ADGRV1: variants seen among roughly 807,000 people sequenced by gnomAD.
The protein encoded by ADGRV1 is G-protein coupled receptor 98.
A neutral mutation model predicts 596.2 loss-of-function variants in ADGRV1; 359 were observed. That is an observed-to-expected ratio of 0.60 (90% CI 0.55 to 0.66). ADGRV1 has a LOEUF of 0.66. Among genes scored for constraint, ADGRV1 ranks in the 30% least tolerant of loss-of-function variants. The pLI, the probability that ADGRV1 is intolerant of heterozygous loss-of-function variation, is 0.00. For synonymous variants in ADGRV1, 2,681 were observed against 2,679.2 expected (o/e 1.00, Z -0.02); for missense variants, 7,274 against 7,575.6 (o/e 0.96, Z 1.48).
At chr5:90,736,115 T>G (rs2149855536) in intron 50 of ADGRV1, among the ~76,000 whole-genome samples, 1 of 152,278 alleles carries the variant, frequency 6.6e-6, no homozygotes, top group Admixed American at 6.5e-5. Flanking sequence ...TACTTGTTTG[T>G]TATATGTGAC....
At chr5:90,771,582 T>G (rs1379582205) in intron 59 of ADGRV1, among the ~76,000 whole-genome samples, 1 of 152,130 alleles carries the variant, frequency 6.6e-6, no homozygotes, top group African/African-American at 2.4e-5. Flanking sequence ...AGGATAAAAA[T>G]TAAAGGCTTT....
chr5:90,893,652 T>G (rs1459810870), intron 83 of ADGRV1, among the ~76,000 whole-genome samples: 1 of 152,224 alleles, frequency 6.6e-6, no homozygotes, highest in African/African-American at 2.4e-5. Context: ...AATAATAACT[T>G]TTAAAGCATG....
intron 1 of ADGRV1, among the ~76,000 whole-genome samples, chr5:90,601,993 A>T (rs1012029956): frequency 6.6e-6 from 1 of 152,212 alleles, no homozygotes; most frequent in Non-Finnish European, 1.5e-5. Context: ...CAGAAGAAAT[A>T]ATGAACGTAG....
At chr5:90,686,445 A>G (rs1580734589) in intron 29 of ADGRV1, among the ~76,000 whole-genome samples, 2 of 151,924 alleles carry the variant, frequency 1.3e-5, no homozygotes, top group Admixed American at 6.6e-5. Flanking sequence ...CTTCCCACCT[A>G]TGAGTGAGAA....
intron 83 of ADGRV1, among the ~76,000 whole-genome samples, chr5:90,917,592 CA>C (rs1021247696): frequency 1.4e-4 from 22 of 152,272 alleles, no homozygotes; most frequent in Admixed American, 8.5e-4. Flanking sequence ...CTGAATCTGC[CA>C]AACTCCTGAG....
At chr5:91,060,351 A>G (rs993425354) in intron 85 of ADGRV1, among the ~76,000 whole-genome samples, 38 of 149,390 alleles carry the variant, frequency 2.5e-4, no homozygotes, top group African/African-American at 9.4e-4. Context: ...ACACTCCACC[A>G]TGCCTGGCAA....
chr5:90,949,109 A>G (rs1003903109), intron 83 of ADGRV1, among the ~76,000 whole-genome samples: 4 of 152,150 alleles, frequency 2.6e-5, no homozygotes, highest in African/African-American at 4.8e-5. Context: ...GATACTTGTT[A>G]AGAGAAACCG....
Position 91,016,241 on chromosome 5 carries a change from G to A in ADGRV1, c.18152+30719G>A, listed in dbSNP as rs961915166. Among the ~76,000 whole-genome samples, 118 of 151,868 alleles carry A rather than the reference G, an allele frequency of 7.8e-4. 1 individual carries two copies. The highest frequency in any genetic ancestry group is 2.6e-3 in the African/African-American group (109 of 41,370). ...CCTTAACAATGACAAACAATATCTT[G>A]TGTTTTTTAAGGATTTATTCATTAT... On this transcript the variant is annotated intron_variant, in intron 85 of 89. Transcript: ENST00000405460.
Position 90,681,459 on chromosome 5 carries a change from G to A in ADGRV1, c.5664+5G>A, listed in dbSNP as rs747135436. 1 of 1,604,996 alleles carries A rather than the reference G, an allele frequency of 6.2e-7. No homozygotes were observed. Among genetic ancestry groups the A allele is most frequent in the Non-Finnish European group, 8.5e-7 (1 of 1,174,296 alleles). ...TATAGCACTGTTACATTAAATGTGA[G>A]TACCTTTTCTTCCTTCATTCCTAGA... On this transcript the variant is annotated splice_donor_5th_base_variant and intron_variant, in intron 27 of 89. Transcript: ENST00000405460.
At chr5:91,065,692 T>A (rs1787825020) in intron 85 of ADGRV1, among the ~76,000 whole-genome samples, 1 of 152,102 alleles carries the variant, frequency 6.6e-6, no homozygotes, top group African/African-American at 2.4e-5. Context: ...TCAAATTGGG[T>A]AACGCAAGTG....
At chr5:90,709,890 T>C (rs912909608) in intron 39 of ADGRV1, among the ~76,000 whole-genome samples, 3 of 152,260 alleles carry the variant, frequency 2.0e-5, no homozygotes, top group African/African-American at 7.2e-5. Context: ...TGGTTTCTAA[T>C]GCTCCTATTT....
chr5:90,807,593 T>C lies in ADGRV1; in HGVS notation c.14837-9T>C. 1 of 1,606,906 alleles carries C rather than the reference T, an allele frequency of 6.2e-7. No homozygotes were observed. Among genetic ancestry groups the C allele is most frequent in the East Asian group, 2.2e-5 (1 of 44,748 alleles). On this transcript the variant is annotated splice_polypyrimidine_tract_variant and intron_variant, in intron 72 of 89. Coordinates refer to ENST00000405460, the MANE Select transcript of ADGRV1 (RefSeq NM_032119.4). ...ATACCCTACTTTGCTTTTTCATGTT[T>C]TCTTTCAGGGAGCCTTTCATTTTCC...
intron 87 of ADGRV1, among the ~76,000 whole-genome samples, chr5:91,112,042 A>G (rs1401876007): frequency 6.6e-6 from 1 of 152,250 alleles, no homozygotes; most frequent in Non-Finnish European, 1.5e-5. Context: ...TTGAGCAACA[A>G]GCTAACTCCA....
In ADGRV1 at chr5:90,716,634, C is replaced by G; in HGVS notation, c.9352C>G (p.Gln3118Glu). 1 of 1,613,178 alleles carries G rather than the reference C, an allele frequency of 6.2e-7. No homozygotes were observed. Among genetic ancestry groups the G allele is most frequent in the East Asian group, 2.2e-5 (1 of 44,848 alleles). Residue 3118 changes from glutamine (Q) to glutamate (E), a missense_variant, in exon 43 of 90, where the codon CAG becomes GAG. Around this residue, in one of 5 missense-constraint regions of ADGRV1, gnomAD observed 3,643 missense variants for 3,809.2 expected, o/e 0.96. Coordinates refer to ENST00000405460, the MANE Select transcript of ADGRV1 (RefSeq NM_032119.4). The stretch of plus-strand genomic sequence containing the variant: ...AGGATTGTTTGGAACAGTGACAGTT[C>G]AGTTCATTGTGACAGAAGTGAATTC... ...AQGLFGTVTV[Q>E]FIVTEVNSSN...
intron 84 of ADGRV1, 78 bp downstream of exon 84, chr5:90,965,609 C>G: frequency 1.3e-6 from 1 of 753,306 alleles, no homozygotes; most frequent in South Asian, 1.8e-5. Flanking sequence ...GTCTGATACT[C>G]TGTACTGAAG....
chr5:91,018,529 A>T (rs1783365056), intron 85 of ADGRV1, among the ~76,000 whole-genome samples: 2 of 152,004 alleles, frequency 1.3e-5, no homozygotes. Context: ...TGTGAAAGGC[A>T]ACTTTTGCAT....
chr5:90,816,801 C>T (rs1390665847), intron 75 of ADGRV1, among the ~76,000 whole-genome samples: 2 of 151,636 alleles, frequency 1.3e-5, no homozygotes, highest in African/African-American at 2.4e-5. Flanking sequence ...TTTCTTAATC[C>T]AGTCTATCAT....
intron 17 of ADGRV1, 110 bp downstream of exon 17, chr5:90,647,874 C>A: frequency 2.2e-6 from 2 of 912,974 alleles, no homozygotes; most frequent in Non-Finnish European, 3.3e-6. Flanking sequence ...TACATTTGTA[C>A]TATTCAAGAG....
At position 90,985,366 on chromosome 5, in the gene ADGRV1, T is replaced by G; in HGVS notation, c.17996T>G (p.Leu5999Arg). 1 of 1,612,644 alleles carries G rather than the reference T, an allele frequency of 6.2e-7. No individual in the cohort carries two copies. The highest frequency in any genetic ancestry group is 8.5e-7 in the Non-Finnish European group (1 of 1,179,130). Residue 5999 changes from leucine (L) to arginine (R), a missense_variant, in exon 85 of 90, where the codon CTG becomes CGG. By Grantham distance (102) the Leu-to-Arg change is moderately radical. This residue lies in a region of ADGRV1 where 1,874 missense variants were observed against 1,970.2 expected (regional missense o/e 0.95). Coordinates refer to ENST00000405460, the MANE Select transcript of ADGRV1 (RefSeq NM_032119.4). ...TAGTCTGTGAATTTCTGGTACGTGCTGGTGATGAATGATGAGCACACAGAG... is the reference window on the plus strand; with the variant it reads ...TAGTCTGTGAATTTCTGGTACGTGCGGGTGATGAATGATGAGCACACAGAG... The part of the protein sequence containing the change: ...LIQSVNFWYV[L>R]VMNDEHTERR...
Sources: gnomAD v4.1 joint callset for allele counts (sites outside exome capture counted in the v4.1 genomes callset) on GRCh38, gnomAD v4.1.1 for gene constraint, gnomAD v4.1.1 regional missense constraint, MANE v1.5 for transcripts, NCBI Gene and HGNC (gene_info 2026-07-23, HGNC 2026-07-21) for gene names.